ROBO2: variants seen among roughly 807,000 people sequenced by gnomAD.
ROBO2 encodes roundabout guidance receptor 2, also known as roundabout homolog 2.
In ROBO2, 53 loss-of-function variants were observed where a neutral mutation model predicts 160.8. The ratio of observed to expected loss-of-function variants is 0.33; its 90% CI spans 0.26 to 0.41. ROBO2 has a LOEUF of 0.41. ROBO2 is among the 10% of genes least tolerant of loss of function. ROBO2 has a pLI of 1.00. For synonymous variants in ROBO2, 664 were observed against 611.7 expected (o/e 1.09, Z -1.26); for missense variants, 1,577 against 1,722.4 (o/e 0.92, Z 1.49).
intron 2 of ROBO2, among the ~76,000 whole-genome samples, chr3:76,105,576 T>C (rs1196937187): frequency 6.6e-6 from 1 of 152,140 alleles, no homozygotes; most frequent in African/African-American, 2.4e-5. Context: ...AATGGAAAGG[T>C]TGACTAAGAA....
At chr3:77,173,501 A>T (rs2079836455) in intron 2 of ROBO2, among the ~76,000 whole-genome samples, 2 of 152,166 alleles carry the variant, frequency 1.3e-5, no homozygotes, top group South Asian at 4.1e-4. Flanking sequence ...TTTCAGATTG[A>T]GAGTCTGAAA....
chr3:77,224,905 A>C (rs1351353478), intron 2 of ROBO2, among the ~76,000 whole-genome samples: 1 of 151,910 alleles, frequency 6.6e-6, no homozygotes, highest in Non-Finnish European at 1.5e-5. Context: ...ATATTTGATT[A>C]GTCAAGTTTC....
In ROBO2 at chr3:76,913,470, A is replaced by G. The variant is rs1162028598; in HGVS notation, c.110-184544A>G. 2.6e-5 allele frequency among the ~76,000 whole-genome samples: 4 copies of G among 152,310 alleles called. No individual in the cohort carries two copies. The East Asian group carries it at 7.7e-4, about 29-fold the overall frequency. On this transcript the variant is annotated intron_variant, in intron 2 of 26. Coordinates refer to the ROBO2 transcript ENST00000487694. Reference sequence around the variant, plus strand: ...TGTACTATGTGTGTATGTTTTTGTGAGAATATTTATTTAATGTTATTTCTA... The same window carrying G: ...TGTACTATGTGTGTATGTTTTTGTGGGAATATTTATTTAATGTTATTTCTA...
At chr3:76,274,800 G>A (rs1707822071) in intron 2 of ROBO2, among the ~76,000 whole-genome samples, 1 of 148,062 alleles carries the variant, frequency 6.8e-6, no homozygotes, top group Non-Finnish European at 1.5e-5. Flanking sequence ...TTGTGCCACT[G>A]CACTCCAGCC....
In ROBO2 at chr3:77,098,542, C is replaced by T. The variant is rs186947540; in HGVS notation, c.388+202C>T. ...GTTTGTTTATATGAAATCAAGATGA[C>T]CAATATGTTATTATAAGAAAGCAGG... On this transcript the variant is annotated intron_variant, in intron 2 of 25. Transcript: ENST00000461745. Among the ~76,000 whole-genome samples the T allele has an allele frequency of 2.4e-3, 360 of 152,192 alleles. 1 individual carries two copies. The highest frequency in any genetic ancestry group is 2.9e-3 in the Admixed American group (44 of 15,282).
chr3:76,414,772 A>G lies in ROBO2; in HGVS notation c.109+477170A>G, dbSNP rs985466380. 2.0e-5 allele frequency among the ~76,000 whole-genome samples: 3 copies of G among 152,184 alleles called. No individual in the cohort carries two copies. The East Asian group carries it at 5.8e-4, about 29-fold the overall frequency. On this transcript the variant is annotated intron_variant, in intron 2 of 26. Transcript: ENST00000487694. Reference sequence around the variant, plus strand: ...CCTAAAACTTAAAGTATAATTTAAAAAAAAAAAGAAAAAGACAAAAAAAAA... The same window carrying G: ...CCTAAAACTTAAAGTATAATTTAAAGAAAAAAAGAAAAAGACAAAAAAAAA...
chr3:76,335,184 T>TA (rs1227158500), intron 2 of ROBO2, among the ~76,000 whole-genome samples: 2 of 136,580 alleles, frequency 1.5e-5, no homozygotes, highest in Non-Finnish European at 1.6e-5. Context: ...TTTTGTTTTT[T>TA]TTTTTTTTTT....
exon 14 of ROBO2, chr3:77,574,570 A>G (rs2093715521): frequency 6.2e-7 from 1 of 1,613,368 alleles, no homozygotes; most frequent in African/African-American, 1.3e-5. Context: ...TGCAGGCGAC[A>G]TCTTCGTGGC....
At chr3:76,624,360 C>T (rs535017106) in intron 2 of ROBO2, among the ~76,000 whole-genome samples, 50 of 152,140 alleles carry the variant, frequency 3.3e-4, no homozygotes, top group African/African-American at 1.1e-3. Context: ...GATTGGTAGC[C>T]TCAAGTCACA....
chr3:76,187,598 G>C (rs75693518), intron 2 of ROBO2, among the ~76,000 whole-genome samples: 3,308 of 152,106 alleles, frequency 0.022, 212 homozygotes, highest in East Asian at 0.2. Context: ...CTTTCCTATT[G>C]TGTGTTTACT....
intron 2 of ROBO2, among the ~76,000 whole-genome samples, chr3:77,471,562 G>C (rs1166853647): frequency 6.6e-6 from 1 of 152,198 alleles, no homozygotes; most frequent in Non-Finnish European, 1.5e-5. Flanking sequence ...CATGATCAGA[G>C]AAAGTATATG....
Position 76,055,989 on chromosome 3 carries a change from A to G in ROBO2, c.109+118387A>G, listed in dbSNP as rs568742561. On this transcript the variant is annotated intron_variant, in intron 2 of 26. Transcript: ENST00000487694. Reference sequence around the variant, plus strand: ...TACTAGTTTTTGTGACTCACGACTCATTCAACACTTCTGGGATTAAAAATA... The same window carrying G: ...TACTAGTTTTTGTGACTCACGACTCGTTCAACACTTCTGGGATTAAAAATA... Among the ~76,000 whole-genome samples the G allele has an allele frequency of 1.1e-4, 16 of 152,324 alleles. No individual in the cohort carries two copies. In the South Asian group the frequency reaches 2.7e-3, roughly 26 times the overall value.
At chr3:76,365,923 G>A (rs2075789491) in intron 2 of ROBO2, among the ~76,000 whole-genome samples, 1 of 151,936 alleles carries the variant, frequency 6.6e-6, no homozygotes, top group African/African-American at 2.4e-5. Context: ...AAAACATGGT[G>A]ATGGCTTATA....
At chr3:76,695,764 C>G (rs1410411711) in intron 2 of ROBO2, among the ~76,000 whole-genome samples, 2 of 152,084 alleles carry the variant, frequency 1.3e-5, no homozygotes, top group Non-Finnish European at 2.9e-5. Flanking sequence ...AACAGAGGCT[C>G]AGAGAGGTTG....
chr3:77,118,728 C>T (rs1048536242), intron 2 of ROBO2, among the ~76,000 whole-genome samples: 89 of 152,170 alleles, frequency 5.8e-4, no homozygotes, highest in African/African-American at 1.6e-3. Flanking sequence ...TACAGTCACG[C>T]ATTGCTTAAC....
chr3:76,791,134 C>T (rs903062776), intron 2 of ROBO2, among the ~76,000 whole-genome samples: 13 of 151,668 alleles, frequency 8.6e-5, no homozygotes, highest in African/African-American at 3.1e-4. Flanking sequence ...AAAATCTTCC[C>T]AGAAGTGTAC....
intron 2 of ROBO2, among the ~76,000 whole-genome samples, chr3:76,143,654 C>A (rs2071770190): frequency 1.3e-5 from 2 of 152,072 alleles, no homozygotes; most frequent in South Asian, 2.1e-4. Flanking sequence ...TTTCTAAAAC[C>A]ACTCCCCAAA....
intron 4 of ROBO2, among the ~76,000 whole-genome samples, chr3:77,485,003 A>C (rs1196517514): frequency 6.6e-6 from 1 of 152,118 alleles, no homozygotes; most frequent in African/African-American, 2.4e-5. Flanking sequence ...TTTAGACTTT[A>C]GCTATTAAGT....
intron 2 of ROBO2, among the ~76,000 whole-genome samples, chr3:76,784,776 T>G (rs1576603183): frequency 6.6e-6 from 1 of 151,310 alleles, no homozygotes; most frequent in Admixed American, 6.6e-5. Flanking sequence ...CTAGTTTCTG[T>G]TATTTTCTGA....
Sources: gnomAD v4.1 joint callset for allele counts (sites outside exome capture counted in the v4.1 genomes callset) on GRCh38, gnomAD v4.1.1 for gene constraint, MANE v1.5 for transcripts, NCBI Gene and HGNC (gene_info 2026-07-23, HGNC 2026-07-21) for gene names.